ATXN7L1: variants seen among roughly 807,000 people sequenced by gnomAD.
ATXN7L1 encodes the protein ataxin 7 like 1, also known as ataxin-7-like protein 1.
Under a neutral mutation model 70.8 loss-of-function variants are expected in ATXN7L1, and 15 were observed. The observed-to-expected ratio is 0.21, with a 90% CI of 0.14 to 0.33. The LOEUF (loss-of-function observed/expected upper bound fraction) is 0.33, where lower values mean the gene tolerates loss of function less well. ATXN7L1 is among the 10% of genes least tolerant of loss of function. The pLI, the probability that ATXN7L1 is intolerant of heterozygous loss-of-function variation, is 1.00. For synonymous variants in ATXN7L1, 440 were observed against 445.1 expected, an observed-to-expected ratio of 0.99 and a Z score of 0.14; for missense variants, 975 against 1,097.1, an observed-to-expected ratio of 0.89 and a Z score of 1.57.
At position 105,776,644 on chromosome 7, in the gene ATXN7L1, A is replaced by G. The variant is rs953491302; in HGVS notation, c.355+11960T>C. 4.6e-5 allele frequency among the ~76,000 whole-genome samples: 7 copies of G among 152,142 alleles called. No individual in the cohort carries two copies. In the East Asian group the frequency reaches 1.3e-3, roughly 29 times the overall value. ...AGAGTGTGAGAGGGGGGAGGGGTGG[A>G]TAAGTACATAAGAATTTGCACCAGC... On this transcript the variant is annotated intron_variant, in intron 3 of 11. Transcript: ENST00000419735.
chr7:105,675,498 G>A (rs1804495277), intron 3 of ATXN7L1, among the ~76,000 whole-genome samples: 1 of 152,090 alleles, frequency 6.6e-6, no homozygotes, highest in Non-Finnish European at 1.5e-5. Context: ...GGTGGTGCAT[G>A]CCTGTAATCC....
In ATXN7L1 at chr7:105,642,948, G is replaced by A; in HGVS notation, c.752C>T (p.Pro251Leu). 6.4e-7 allele frequency: 1 copy of A among 1,551,658 alleles called. No homozygotes were observed. Among genetic ancestry groups the A allele is most frequent in the South Asian group, 1.2e-5 (1 of 84,058 alleles). ...ATTTAAGATCTTCTCTGGTGAAGGT[G>A]GCACTGACTTGGACATCAGGACAGG... ...IKPVLMSKSVPPSPEKILNGK... is the reference protein window; with the variant it reads ...IKPVLMSKSVLPSPEKILNGK... The change falls in exon 5 of 12, where the codon CCA (proline) becomes CTA (leucine). Residue 251 changes from proline (P) to leucine (L), a missense_variant. Coordinates refer to ENST00000419735, the MANE Select transcript of ATXN7L1 (RefSeq NM_020725.2).
intron 3 of ATXN7L1, among the ~76,000 whole-genome samples, chr7:105,684,145 G>A (rs1018631721): frequency 2.0e-5 from 3 of 152,148 alleles, no homozygotes; most frequent in East Asian, 1.9e-4. Context: ...GTTCAGTCCC[G>A]ACTGTTGAAG....
intron 3 of ATXN7L1, among the ~76,000 whole-genome samples, chr7:105,710,816 T>A (rs1013779888): frequency 2.6e-5 from 4 of 152,150 alleles, no homozygotes; most frequent in African/African-American, 9.7e-5. Flanking sequence ...AACAGTGTAT[T>A]AGTCCATTTT....
chr7:105,727,779 C>T (rs35037279), intron 3 of ATXN7L1, among the ~76,000 whole-genome samples: 21,177 of 66,242 alleles, frequency 0.32, 2,677 homozygotes, highest in East Asian at 0.52. Flanking sequence ...TATATATATA[C>T]ACACACATAC....
chr7:105,614,318 C>T lies in ATXN7L1; in HGVS notation c.2016G>A (p.Gly672=), dbSNP rs547125217. The T allele has an allele frequency of 3.9e-6, 6 of 1,552,050 alleles. No homozygotes were observed. In the African/African-American group the frequency reaches 8.2e-5, roughly 21 times the overall value. Residue 672 remains glycine, a synonymous_variant, in exon 10 of 12, where the codon GGG becomes GGA. Transcript: ENST00000419735. This position sits in a 1 kb window ranked among gnomAD's most constrained non-coding sequence, Gnocchi z 4.3. ...TCAAAACACAGTTCTTTTTGTGAGG[C>T]CCTGACAGTGGAGACGAGAGGGATG... ...LQTSLSSPLS[G]PHKKNCVLNA... is the part of the protein sequence containing the mutation.
chr7:105,805,104 C>G (rs1807367895), intron 2 of ATXN7L1, among the ~76,000 whole-genome samples: 2 of 152,208 alleles, frequency 1.3e-5, no homozygotes, highest in Non-Finnish European at 2.9e-5. Flanking sequence ...ACGAGCCGGA[C>G]AGTAGAGTGA....
chr7:105,675,760 C>T (rs1187715682), intron 3 of ATXN7L1, among the ~76,000 whole-genome samples: 2 of 151,836 alleles, frequency 1.3e-5, no homozygotes, highest in Non-Finnish European at 2.9e-5. Flanking sequence ...AAACAGACAA[C>T]AACAAAACAC....
chr7:105,734,150 TC>T (rs1247392198), intron 3 of ATXN7L1, among the ~76,000 whole-genome samples: 2 of 152,176 alleles, frequency 1.3e-5, no homozygotes, highest in East Asian at 3.9e-4. Flanking sequence ...ATTAGTTTCC[TC>T]ATCTGTAAAC....
intron 4 of ATXN7L1, chr7:105,649,274 C>T: frequency 1.3e-6 from 1 of 783,444 alleles, no homozygotes; most frequent in Non-Finnish European, 1.5e-6. Context: ...CAGCCTGTTC[C>T]CCTGCTGTGT....
chr7:105,852,512 C>A (rs1403884737), intron 2 of ATXN7L1, among the ~76,000 whole-genome samples: 1 of 152,084 alleles, frequency 6.6e-6, no homozygotes, highest in Non-Finnish European at 1.5e-5. Flanking sequence ...GAAAAAGGCA[C>A]CCTCTCTGGT....
chr7:105,806,378 C>G (rs533760842), intron 2 of ATXN7L1, among the ~76,000 whole-genome samples: 1 of 152,128 alleles, frequency 6.6e-6, no homozygotes, highest in African/African-American at 2.4e-5. Flanking sequence ...GCACCCTGAT[C>G]GTGGGTGTCA....
intron 3 of ATXN7L1, among the ~76,000 whole-genome samples, chr7:105,697,878 C>T (rs915462612): frequency 1.3e-5 from 2 of 152,234 alleles, no homozygotes; most frequent in Non-Finnish European, 2.9e-5. Flanking sequence ...ACAGCTGGGG[C>T]CCTGTGCCCA....
chr7:105,771,959 C>T (rs1029470965), intron 3 of ATXN7L1, among the ~76,000 whole-genome samples: 18 of 146,202 alleles, frequency 1.2e-4, no homozygotes, highest in South Asian at 4.3e-4. Flanking sequence ...GCAATGTAAA[C>T]GGAAATATAA....
intron 3 of ATXN7L1, among the ~76,000 whole-genome samples, chr7:105,703,029 T>C (rs191147053): frequency 5.3e-5 from 8 of 152,328 alleles, no homozygotes. Context: ...GGCAGGAGAA[T>C]GGCGTGAACC....
intron 2 of ATXN7L1, among the ~76,000 whole-genome samples, chr7:105,828,606 A>G (rs187693716): frequency 6.6e-6 from 1 of 152,346 alleles, no homozygotes; most frequent in East Asian, 1.9e-4. Context: ...CACATACTCT[A>G]TGCCAACTAC....
chr7:105,783,037 AC>A (rs1166723958), intron 3 of ATXN7L1, among the ~76,000 whole-genome samples: 7 of 152,252 alleles, frequency 4.6e-5, no homozygotes, highest in South Asian at 4.2e-4. Flanking sequence ...AAACGATACA[AC>A]CTTTTTCTGT....
chr7:105,647,788 AT>A (rs1799271274), intron 4 of ATXN7L1, among the ~76,000 whole-genome samples: 1 of 152,190 alleles, frequency 6.6e-6, no homozygotes, highest in Non-Finnish European at 1.5e-5. Flanking sequence ...AGGTCCCAAC[AT>A]TTGGAACCGT....
chr7:105,741,032 G>T (rs561761550), intron 3 of ATXN7L1, among the ~76,000 whole-genome samples: 15 of 152,032 alleles, frequency 9.9e-5, no homozygotes, highest in African/African-American at 3.6e-4. Context: ...CCAAAGTGCT[G>T]GGATTACACG....
Sources: gnomAD v4.1 joint callset for allele counts (sites outside exome capture counted in the v4.1 genomes callset) on GRCh38, gnomAD v4.1.1 for gene constraint, Gnocchi (gnomAD v3.1) non-coding constraint, MANE v1.5 for transcripts, NCBI Gene and HGNC (gene_info 2026-07-23, HGNC 2026-07-21) for gene names.